The following RANBP2 variants were observed in gnomAD, a reference collection of about 807,000 sequenced individuals.
The protein encoded by RANBP2 is RAN binding protein 2.
In RANBP2, 57 loss-of-function variants were observed where a neutral mutation model predicts 303.6. The observed-to-expected ratio is 0.19, with a 90% CI of 0.15 to 0.23. RANBP2 has a LOEUF of 0.23. RANBP2 is among the 10% of genes least tolerant of loss of function. The pLI, the probability that RANBP2 is intolerant of heterozygous loss-of-function variation, is 1.00. For synonymous variants in RANBP2, 1,167 were observed against 1,301.5 expected (o/e 0.90, Z 2.23); for missense variants, 3,138 against 3,780.8 (o/e 0.83, Z 4.46).
At chr2:109,473,697 C>T in the RANBP2 span, among the ~76,000 whole-genome samples, 16 of 152,068 alleles carry the variant, frequency 1.1e-4, no homozygotes, top group African/African-American at 3.1e-4. Flanking sequence ...GTCCTGCTGC[C>T]GTGCCCAGCT....
the RANBP2 span, among the ~76,000 whole-genome samples, chr2:109,717,037 T>C: frequency 6.6e-6 from 1 of 152,024 alleles, no homozygotes. Flanking sequence ...CCTTTCACAC[T>C]AGACAAGAAA....
the RANBP2 span, among the ~76,000 whole-genome samples, chr2:108,945,108 G>T: frequency 6.6e-6 from 1 of 152,122 alleles, no homozygotes; most frequent in Non-Finnish European, 1.5e-5. Context: ...ATGTATGTGG[G>T]CGCTGCCTGT....
chr2:109,245,716 T>G, the RANBP2 span, among the ~76,000 whole-genome samples: 1 of 152,238 alleles, frequency 6.6e-6, no homozygotes, highest in African/African-American at 2.4e-5. Context: ...AATAAATATC[T>G]TAACAAATTC....
At chr2:109,653,351 C>T in the RANBP2 span, among the ~76,000 whole-genome samples, 38 of 150,998 alleles carry the variant, frequency 2.5e-4, no homozygotes, top group Admixed American at 1.5e-3. Flanking sequence ...GCCGAGTTCG[C>T]GGCACCCTAC....
chr2:108,899,066 C>G, the RANBP2 span, among the ~76,000 whole-genome samples: 2 of 152,328 alleles, frequency 1.3e-5, no homozygotes, highest in Admixed American at 6.5e-5. Context: ...TCTACAGATT[C>G]AAGAAGATAA....
the RANBP2 span, among the ~76,000 whole-genome samples, chr2:109,581,161 C>T: frequency 1.3e-5 from 2 of 152,116 alleles, no homozygotes; most frequent in South Asian, 2.1e-4. Flanking sequence ...AAAGTTAGGC[C>T]GGGAGAGGTG....
chr2:109,358,442 A>G, the RANBP2 span, among the ~76,000 whole-genome samples: 7 of 152,236 alleles, frequency 4.6e-5, no homozygotes, highest in Admixed American at 4.6e-4. Flanking sequence ...TTTGCATGGT[A>G]AAAGCATGCC....
chr2:109,591,645 CA>C, the RANBP2 span, among the ~76,000 whole-genome samples: 1 of 152,104 alleles, frequency 6.6e-6, no homozygotes, highest in Non-Finnish European at 1.5e-5. Flanking sequence ...GTCTGTAATC[CA>C]AGTGCTTTGG....
chr2:108,727,603 ATTTTTTT>A (rs34554578), intron 1 of RANBP2, among the ~76,000 whole-genome samples: 1 of 119,738 alleles, frequency 8.4e-6, no homozygotes, highest in Non-Finnish European at 1.7e-5. Context: ...TTGTATCAGC[ATTTTTTT>A]TTTTTTTTTT....
the RANBP2 span, among the ~76,000 whole-genome samples, chr2:109,628,709 G>A: frequency 0.89 from 135,041 of 152,056 alleles, 60,023 homozygotes; most frequent in Middle Eastern, 0.96. Context: ...ATTCCAACCT[G>A]TCCACGTTGT....
the RANBP2 span, among the ~76,000 whole-genome samples, chr2:109,734,311 T>C: frequency 3.9e-4 from 59 of 151,734 alleles, no homozygotes; most frequent in African/African-American, 1.4e-3. Flanking sequence ...TTCAGCAAAG[T>C]TGCAGTGTAC....
the RANBP2 span, among the ~76,000 whole-genome samples, chr2:109,168,039 A>G: frequency 1.3e-5 from 2 of 152,202 alleles, no homozygotes; most frequent in Non-Finnish European, 2.9e-5. Flanking sequence ...GTTCTGTGCA[A>G]AGTCTCTGTG....
the RANBP2 span, among the ~76,000 whole-genome samples, chr2:109,268,065 C>G: frequency 6.6e-6 from 1 of 151,872 alleles, no homozygotes; most frequent in East Asian, 2.0e-4. Context: ...CAGACTGTCC[C>G]CTAATCCCAC....
chr2:108,962,469 C>T, the RANBP2 span, among the ~76,000 whole-genome samples: 10 of 151,922 alleles, frequency 6.6e-5, no homozygotes, highest in Admixed American at 1.3e-4. Flanking sequence ...GTCAGGAGAT[C>T]GAGACCATCC....
chr2:109,206,232 T>A, the RANBP2 span, among the ~76,000 whole-genome samples: 1 of 152,146 alleles, frequency 6.6e-6, no homozygotes, highest in Non-Finnish European at 1.5e-5. Flanking sequence ...GGCTCACGCC[T>A]GTAATCCCAG....
At chr2:109,671,853 G>A in the RANBP2 span, among the ~76,000 whole-genome samples, 19 of 151,930 alleles carry the variant, frequency 1.3e-4, no homozygotes, top group East Asian at 3.7e-3. Context: ...CATGAATCAG[G>A]AAGGGGAAAA....
chr2:109,387,714 T>C, the RANBP2 span, among the ~76,000 whole-genome samples: 78,917 of 152,150 alleles, frequency 0.52, 20,905 homozygotes, highest in South Asian at 0.61. Flanking sequence ...CTCTATGTAA[T>C]GAAATATTCA....
the RANBP2 span, chr2:109,398,504 G>A: frequency 0.012 from 14,229 of 1,214,994 alleles, 1,200 homozygotes; most frequent in African/African-American, 0.19. Context: ...GTTTGTGAAT[G>A]GAAATGTGGC....
At chr2:109,085,460 C>T in the RANBP2 span, among the ~76,000 whole-genome samples, 6 of 151,992 alleles carry the variant, frequency 3.9e-5, no homozygotes, top group Admixed American at 2.6e-4. Flanking sequence ...CCCGCCACCA[C>T]GCCTCGCTAA....
Sources: gnomAD v4.1 joint callset for allele counts (sites outside exome capture counted in the v4.1 genomes callset) on GRCh38, gnomAD v4.1.1 for gene constraint, MANE v1.5 for transcripts, NCBI Gene and HGNC (gene_info 2026-07-23, HGNC 2026-07-21) for gene names.